Variants in LRRC49 observed in about 807,000 individuals in gnomAD.
The protein encoded by LRRC49 is leucine rich repeat containing 49, also known as leucine-rich repeat-containing protein 49.
LRRC49 carries 50 observed loss-of-function variants against 83.3 expected under a neutral mutation model. The ratio of observed to expected loss-of-function variants is 0.60; its 90% CI spans 0.48 to 0.76. The LOEUF is 0.76. Ranked by LOEUF, LRRC49 falls within the 30% of genes least tolerant of loss-of-function variation. The pLI is 0.00. For synonymous variants in LRRC49, 286 were observed against 283.3 expected (o/e 1.01, Z -0.10); for missense variants, 704 against 809.1 (o/e 0.87, Z 1.58).
intron 5 of LRRC49, among the ~76,000 whole-genome samples, chr15:70,910,550 G>A (rs184549386): frequency 6.6e-6 from 1 of 152,190 alleles, no homozygotes; most frequent in East Asian, 1.9e-4. Context: ...AACTTAATTT[G>A]TTGTTCTTTT....
chr15:70,972,667 G>T (rs542264976), intron 9 of LRRC49, among the ~76,000 whole-genome samples: 1 of 152,010 alleles, frequency 6.6e-6, no homozygotes, highest in South Asian at 2.1e-4. Flanking sequence ...ATATTTCTTG[G>T]CTGCTTTGTT....
At chr15:70,860,227 G>T in intron 1 of LRRC49, 2 of 622,172 alleles carry the variant, frequency 3.2e-6, no homozygotes, top group Admixed American at 2.6e-5. Context: ...GGAGGAGGCC[G>T]CTGTGCATGG....
chr15:70,936,796 C>A lies in LRRC49; in HGVS notation c.747C>A (p.Leu249=). The part of the protein sequence containing the change: ...DVDNLPCLQH[L]FLSFNNISSF... ...ATAATTTGCCCTGCCTCCAACATCT[C>A]TTTCTCAGCTTTAACAATATATCTA... The change falls in exon 8 of 16, where the codon CTC becomes CTA. Residue 249 remains leucine (L), a synonymous_variant. Coordinates refer to ENST00000260382, the MANE Select transcript of LRRC49 (RefSeq NM_017691.5). The A allele has an allele frequency of 1.2e-6, 2 of 1,611,200 alleles. No individual in the cohort carries two copies. The highest frequency in any genetic ancestry group is 1.7e-6 in the Non-Finnish European group (2 of 1,177,716).
rs780075530 is a variant in LRRC49, at chr15:70,900,874, C to A, written c.194-48C>A. 1.5e-5 allele frequency: 17 copies of A among 1,150,840 alleles called. No individual in the cohort carries two copies. The South Asian group carries it at 2.0e-4, about 13-fold the overall frequency. 71.3% of individuals were successfully genotyped at this position (1,150,840 alleles called of 1,614,324 possible). On this transcript the variant is annotated intron_variant, in intron 3 of 15. Coordinates refer to ENST00000260382, the MANE Select transcript of LRRC49 (RefSeq NM_017691.5). Reference sequence around the variant, plus strand: ...AATATAAGATGACTTTAGTTTCAGACTTCGAAGGTTTTTCTTAATTAAGTA... The same window carrying A: ...AATATAAGATGACTTTAGTTTCAGAATTCGAAGGTTTTTCTTAATTAAGTA...
At position 70,904,457 on chromosome 15, in the gene LRRC49, A is replaced by C. The variant is rs537391848; in HGVS notation, c.297-95A>C. 3.4e-4 allele frequency: 275 copies of C among 800,010 alleles called. 1 individual carries two copies. The East Asian group carries it at 7.0e-3, about 20-fold the overall frequency. 49.6% of individuals were successfully genotyped at this position (800,010 alleles called of 1,614,324 possible). On this transcript the variant is annotated intron_variant, in intron 4 of 15. Transcript: ENST00000260382. ...TGGTCCAACTTATTTTTTTCTCCTCACAGAATGGGAGCACAAAGATACTAC... is the reference window on the plus strand; with the variant it reads ...TGGTCCAACTTATTTTTTTCTCCTCCCAGAATGGGAGCACAAAGATACTAC...
At chr15:71,018,320 C>G (rs530620994) in intron 14 of LRRC49, among the ~76,000 whole-genome samples, 2 of 151,962 alleles carry the variant, frequency 1.3e-5, no homozygotes, top group African/African-American at 2.4e-5. Flanking sequence ...TATGTCTGTA[C>G]GGTTTGAAAA....
rs780804830 is a variant in LRRC49, at chr15:70,882,687, C to G, written c.18+9464C>G. The G allele has an allele frequency of 3.1e-6, 5 of 1,611,158 alleles. No homozygotes were observed. In the African/African-American group the frequency reaches 6.7e-5, roughly 22 times the overall value. On this transcript the variant is annotated intron_variant, in intron 2 of 16. Transcript: ENST00000544974. ...TAAGCATAAGTACCTATGAGTTAGA[C>G]TTTGCTTTTCATATATCTTTAATAT...
intron 2 of LRRC49, among the ~76,000 whole-genome samples, chr15:70,879,040 C>A (rs1314475808): frequency 6.6e-6 from 1 of 152,150 alleles, no homozygotes; most frequent in African/African-American, 2.4e-5. Context: ...TGTTGTTTGA[C>A]AGAATTTGAA....
At chr15:70,896,867 C>T (rs969799370) in intron 3 of LRRC49, among the ~76,000 whole-genome samples, 1 of 152,128 alleles carries the variant, frequency 6.6e-6, no homozygotes, top group African/African-American at 2.4e-5. Context: ...TTTTCTCTTT[C>T]CTACATTCTA....
At chr15:70,967,949 T>C (rs551856121) in intron 9 of LRRC49, among the ~76,000 whole-genome samples, 1 of 149,714 alleles carries the variant, frequency 6.7e-6, no homozygotes, top group East Asian at 1.9e-4. Flanking sequence ...TAAGATGAAG[T>C]AACTTTTTTT....
intron 14 of LRRC49, among the ~76,000 whole-genome samples, chr15:71,018,043 G>A (rs2038881338): frequency 6.6e-6 from 1 of 152,064 alleles, no homozygotes. Context: ...TAGATAATAT[G>A]ACTGTAAAAG....
In LRRC49 at chr15:70,908,026, G is replaced by A. The variant is rs761814420; in HGVS notation, c.500+3271G>A. On this transcript the variant is annotated intron_variant, in intron 5 of 15. Coordinates refer to ENST00000260382, the MANE Select transcript of LRRC49 (RefSeq NM_017691.5). ...TAGGTCATTTCAGGTGTTGGGGGGTGGAAAGAGAATTTATGCCAAAGGCAA... is the reference window on the plus strand; with the variant it reads ...TAGGTCATTTCAGGTGTTGGGGGGTAGAAAGAGAATTTATGCCAAAGGCAA... 6.6e-4 allele frequency: 300 copies of A among 455,808 alleles called. 3 individuals are homozygous for A. Among genetic ancestry groups the A allele is most frequent in the Non-Finnish European group, 1.2e-4 (28 of 226,746 alleles). 28.2% of individuals were successfully genotyped at this position (455,808 alleles called of 1,614,324 possible).
At chr15:71,027,709 G>A (rs781536024) in intron 14 of LRRC49, among the ~76,000 whole-genome samples, 1 of 152,192 alleles carries the variant, frequency 6.6e-6, no homozygotes, top group Non-Finnish European at 1.5e-5. Flanking sequence ...TAGCAATTGT[G>A]AATGGTAGTT....
chr15:70,892,311 A>C, upstream of LRRC49: 1 of 1,550,380 alleles, frequency 6.5e-7, no homozygotes, highest in East Asian at 2.4e-5. Flanking sequence ...GGTTCCCTGG[A>C]CCTTCGCCCT....
intron 7 of LRRC49, among the ~76,000 whole-genome samples, chr15:70,932,797 T>C (rs1005589464): frequency 1.3e-4 from 18 of 143,582 alleles, no homozygotes; most frequent in East Asian, 4.4e-4. Flanking sequence ...AGGCGCAATC[T>C]CGGCTAACTG....
chr15:70,895,052 T>C (rs138782744), intron 2 of LRRC49, among the ~76,000 whole-genome samples: 214 of 152,330 alleles, frequency 1.4e-3, no homozygotes, highest in Admixed American at 2.4e-3. Flanking sequence ...CACTTTCTCT[T>C]GTGTGGACAT....
intron 7 of LRRC49, among the ~76,000 whole-genome samples, chr15:70,935,341 G>A (rs2035557887): frequency 6.6e-6 from 1 of 152,128 alleles, no homozygotes; most frequent in Non-Finnish European, 1.5e-5. Flanking sequence ...AGTACATAGG[G>A]TAGGTAGAAA....
intron 1 of LRRC49, among the ~76,000 whole-genome samples, chr15:70,868,452 T>C (rs909032591): frequency 6.6e-6 from 1 of 152,226 alleles, no homozygotes; most frequent in African/African-American, 2.4e-5. Flanking sequence ...TGATATTTGG[T>C]CACTCAAAAT....
At chr15:70,899,889 T>C (rs2141105912) in intron 3 of LRRC49, among the ~76,000 whole-genome samples, 1 of 152,288 alleles carries the variant, frequency 6.6e-6, no homozygotes, top group East Asian at 1.9e-4. Context: ...TTTCAGAAGA[T>C]TTTCTTTTCA....
Sources: allele counts gnomAD v4.1 joint callset (sites outside exome capture counted in the v4.1 genomes callset), GRCh38; gene constraint gnomAD v4.1.1; transcripts MANE v1.5; gene names NCBI Gene and HGNC (gene_info 2026-07-23, HGNC 2026-07-21).